MYO3B: variants seen among roughly 807,000 people sequenced by gnomAD.
MYO3B encodes myosin-IIIb.
Under a neutral mutation model 174.6 loss-of-function variants are expected in MYO3B, and 156 were observed. That is an observed-to-expected ratio of 0.89 (90% CI 0.78 to 1.02). The LOEUF is 1.02. Among genes scored for constraint, MYO3B ranks in the 50% least tolerant of loss-of-function variants. The pLI, the probability that MYO3B is intolerant of heterozygous loss-of-function variation, is 0.00. For synonymous variants in MYO3B, 563 were observed against 569.1 expected (o/e 0.99, Z 0.15); for missense variants, 1,632 against 1,639.4 (o/e 1.00, Z 0.08).
In MYO3B at chr2:170,653,189, C is replaced by T. The variant is rs1361778250; in HGVS notation, c.*68C>T. On this transcript the variant is annotated 3_prime_UTR_variant, in exon 35 of 35. Coordinates refer to ENST00000408978, the MANE Select transcript of MYO3B (RefSeq NM_138995.5). ...CATGGTAATCGACTGTCTGTCATTG[C>T]GTAAGAAAGCACTGATATGGGGTCA... The T allele has an allele frequency of 4.4e-6, 7 of 1,587,512 alleles. No homozygotes were observed. The highest frequency in any genetic ancestry group is 3.3e-4 in the Middle Eastern group (2 of 6,010).
intron 9 of MYO3B, among the ~76,000 whole-genome samples, chr2:170,381,161 A>C (rs901939387): frequency 6.7e-6 from 1 of 150,168 alleles, no homozygotes; most frequent in African/African-American, 2.5e-5. Context: ...AAAAACAACA[A>C]CCCCCCCCAT....
chr2:170,543,964 C>A lies in MYO3B; in HGVS notation c.3709C>A (p.Leu1237Ile). The A allele has an allele frequency of 6.2e-7, 1 of 1,613,068 alleles. No individual in the cohort carries two copies. Among genetic ancestry groups the A allele is most frequent in the Non-Finnish European group, 8.5e-7 (1 of 1,179,220 alleles). Residue 1237 changes from leucine to isoleucine, a missense_variant, in exon 32 of 35, where the codon CTC becomes ATC. Coordinates refer to ENST00000408978, the MANE Select transcript of MYO3B (RefSeq NM_138995.5). ...HPAPDQQGLS[L>I]WGAPQKPGSE... Reference sequence around the variant, plus strand: ...TGCTCCAGATCAGCAAGGATTGAGTCTCTGGGGAGCCCCTCAAAAGCCTGG... The same window carrying A: ...TGCTCCAGATCAGCAAGGATTGAGTATCTGGGGAGCCCCTCAAAAGCCTGG...
chr2:170,642,676 G>A (rs1209737206), intron 32 of MYO3B, among the ~76,000 whole-genome samples: 4 of 152,122 alleles, frequency 2.6e-5, no homozygotes, highest in African/African-American at 9.7e-5. Flanking sequence ...TTGAGTTATA[G>A]CTTAGGGACC....
chr2:170,248,715 C>G (rs1222055463), intron 7 of MYO3B, among the ~76,000 whole-genome samples: 1 of 152,186 alleles, frequency 6.6e-6, no homozygotes, highest in Non-Finnish European at 1.5e-5. Flanking sequence ...CTCCCTCTCC[C>G]CCAATTTAAA....
chr2:170,579,386 A>G (rs988241808), intron 32 of MYO3B, among the ~76,000 whole-genome samples: 2 of 152,110 alleles, frequency 1.3e-5, no homozygotes, highest in African/African-American at 4.8e-5. Flanking sequence ...CCACCCACAT[A>G]ATAGGTTTTA....
At chr2:170,246,368 C>T (rs146871180) in intron 7 of MYO3B, among the ~76,000 whole-genome samples, 2 of 152,158 alleles carry the variant, frequency 1.3e-5, no homozygotes, top group African/African-American at 4.8e-5. Flanking sequence ...GGTGTGCCCC[C>T]TACAAACAGG....
intron 32 of MYO3B, among the ~76,000 whole-genome samples, chr2:170,623,495 T>G (rs1426109429): frequency 1.3e-5 from 2 of 152,258 alleles, no homozygotes; most frequent in Non-Finnish European, 2.9e-5. Context: ...ATGGGTAGAC[T>G]GCAAAAATTT....
At chr2:170,511,221 A>G (rs895345503) in intron 28 of MYO3B, among the ~76,000 whole-genome samples, 1 of 150,258 alleles carries the variant, frequency 6.7e-6, no homozygotes, top group Non-Finnish European at 1.5e-5. Context: ...CACCACGCCC[A>G]GCTAATTTTT....
intron 23 of MYO3B, among the ~76,000 whole-genome samples, chr2:170,455,946 T>C (rs1408183093): frequency 6.6e-6 from 1 of 152,164 alleles, no homozygotes; most frequent in East Asian, 1.9e-4. Context: ...ATCATTTTGA[T>C]ATTGGTCTTA....
chr2:170,474,733 A>G, intron 25 of MYO3B, among the ~76,000 whole-genome samples: 1 of 116,930 alleles, frequency 8.6e-6, no homozygotes, highest in Admixed American at 1.1e-4. Flanking sequence ...ACAAGAGTGA[A>G]ACTCCGTCTC....
At chr2:170,292,365 T>G (rs1273129645) in intron 7 of MYO3B, among the ~76,000 whole-genome samples, 1 of 152,218 alleles carries the variant, frequency 6.6e-6, no homozygotes, top group African/African-American at 2.4e-5. Context: ...TCCTTAAAAC[T>G]GCAATTTTGA....
At position 170,472,750 on chromosome 2, in the gene MYO3B, G is replaced by A. The variant is rs1685052995; in HGVS notation, c.3014+6039G>A. Among the ~76,000 whole-genome samples, 5 of 151,696 alleles carry A rather than the reference G, an allele frequency of 3.3e-5. No homozygotes were observed. The South Asian group carries it at 1.1e-3, about 32-fold the overall frequency. Reference sequence around the variant, plus strand: ...AGGGTCTCACTCTGTCACCCAGGCTGGAATGCAGTGGCACAATGTTGGCTC... The same window carrying A: ...AGGGTCTCACTCTGTCACCCAGGCTAGAATGCAGTGGCACAATGTTGGCTC... On this transcript the variant is annotated intron_variant, in intron 25 of 34. Coordinates refer to ENST00000408978, the MANE Select transcript of MYO3B (RefSeq NM_138995.5).
chr2:170,315,836 C>G (rs998463940), intron 7 of MYO3B, among the ~76,000 whole-genome samples: 3 of 152,140 alleles, frequency 2.0e-5, no homozygotes, highest in African/African-American at 4.8e-5. Context: ...GAATATGAAC[C>G]CAGGCAATCT....
At chr2:170,381,895 C>A in intron 9 of MYO3B, 121 bp from the exon 10 acceptor site, 1 of 758,254 alleles carries the variant, frequency 1.3e-6, no homozygotes, top group Non-Finnish European at 2.2e-6. Flanking sequence ...ACTTCCTGTC[C>A]CTGTCTCTGA....
intron 29 of MYO3B, among the ~76,000 whole-genome samples, chr2:170,515,995 G>A (rs986353060): frequency 2.6e-5 from 4 of 152,166 alleles, no homozygotes; most frequent in African/African-American, 9.7e-5. Context: ...AAAGAAGGGT[G>A]TCTGGCTATT....
At chr2:170,647,009 C>A in intron 32 of MYO3B, 1 of 928,106 alleles carries the variant, frequency 1.1e-6, no homozygotes, top group Non-Finnish European at 1.6e-6. Flanking sequence ...TACTGTCCAT[C>A]ATATGGAACG....
rs192548525 is a variant in MYO3B, at chr2:170,522,850, A to T, written c.3575+3310A>T. ...TTCTTTTTAATACTCCTTGAGCTGT[A>T]GCCCTTTTGTAACAGTACTACTCAA... is the stretch of plus-strand genomic sequence containing the variant. On this transcript the variant is annotated intron_variant, in intron 30 of 34. Coordinates refer to ENST00000408978, the MANE Select transcript of MYO3B (RefSeq NM_138995.5). Among the ~76,000 whole-genome samples, 10 of 152,338 alleles carry T rather than the reference A, an allele frequency of 6.6e-5. No homozygotes were observed. The East Asian group carries it at 1.3e-3, about 21-fold the overall frequency.
In MYO3B at chr2:170,402,977, T is replaced by A. The variant is rs535227543; in HGVS notation, c.2259T>A (p.His753Gln). ...AAATCCAGTACTATTTCAATCAGCA[T>A]GTTTTTGCTCTTGAGCAGGTAATAG... ...NEQIQYYFNQ[H>Q]VFALEQMEYQ... The change falls in exon 19 of 35, where the codon CAT becomes CAA. Residue 753 changes from histidine (H) to glutamine (Q), a missense_variant. Coordinates refer to ENST00000408978, the MANE Select transcript of MYO3B (RefSeq NM_138995.5). 3.1e-6 allele frequency: 5 copies of A among 1,602,740 alleles called. No individual in the cohort carries two copies. Among genetic ancestry groups the A allele is most frequent in the South Asian group, 1.1e-5 (1 of 90,038 alleles).
chr2:170,575,363 C>A (rs1692722589), intron 32 of MYO3B, among the ~76,000 whole-genome samples: 1 of 152,042 alleles, frequency 6.6e-6, no homozygotes, highest in East Asian at 1.9e-4. Context: ...ATGAAAGAAA[C>A]CAGAGAGTCA....
Sources: gnomAD v4.1 joint callset for allele counts (sites outside exome capture counted in the v4.1 genomes callset) on GRCh38, gnomAD v4.1.1 for gene constraint, MANE v1.5 for transcripts, NCBI Gene and HGNC (gene_info 2026-07-23, HGNC 2026-07-21) for gene names.